The following HPSE2 variants were observed in gnomAD, a reference collection of about 807,000 sequenced individuals.
HPSE2 encodes the protein heparanase 2 (inactive).
HPSE2 carries 38 observed loss-of-function variants against 60.5 expected under a neutral mutation model. The ratio of observed to expected loss-of-function variants is 0.63; its 90% CI spans 0.48 to 0.82. The LOEUF is 0.82. HPSE2 is among the 40% of genes least tolerant of loss of function. The pLI, the probability that HPSE2 is intolerant of heterozygous loss-of-function variation, is 0.00. For synonymous variants in HPSE2, 295 were observed against 293.2 expected (o/e 1.01, Z -0.06); for missense variants, 713 against 740.4 (o/e 0.96, Z 0.43).
At chr10:98,463,782 G>A (rs1179362719) in intron 11 of HPSE2, among the ~76,000 whole-genome samples, 1 of 152,032 alleles carries the variant, frequency 6.6e-6, no homozygotes, top group Non-Finnish European at 1.5e-5. Flanking sequence ...ACCAGTCTGG[G>A]TGACACAGTG....
intron 3 of HPSE2, among the ~76,000 whole-genome samples, chr10:98,955,479 G>C (rs1439752480): frequency 6.6e-6 from 1 of 152,148 alleles, no homozygotes; most frequent in Non-Finnish European, 1.5e-5. Flanking sequence ...TGAGGCTGTG[G>C]AGAAACAGGA....
chr10:98,850,683 G>A (rs371374360), intron 3 of HPSE2, among the ~76,000 whole-genome samples: 3 of 145,318 alleles, frequency 2.1e-5, no homozygotes, highest in African/African-American at 7.7e-5. Flanking sequence ...CTTGCAGTGA[G>A]CGGAGATCGC....
rs150886106 is a variant in HPSE2 at position 98,669,970 on chromosome 10, G to A, written c.1004+23930C>T. Among the ~76,000 whole-genome samples the A allele has an allele frequency of 2.3e-4, 35 of 152,300 alleles. No homozygotes were observed. The East Asian group carries it at 4.4e-3, about 19-fold the overall frequency. On this transcript the variant is annotated intron_variant, in intron 6 of 11. Coordinates refer to ENST00000370552, the MANE Select transcript of HPSE2 (RefSeq NM_021828.5). ...TCTTTTACAAAAGGAGGCCAGGAAAGGCCACTTTGACATTGGGGCAGAGTC... is the reference window on the plus strand; with the variant it reads ...TCTTTTACAAAAGGAGGCCAGGAAAAGCCACTTTGACATTGGGGCAGAGTC...
At chr10:98,742,974 C>CTTTTTTTTTTTTTTTTTTTTTT (rs35772316) in intron 4 of HPSE2, among the ~76,000 whole-genome samples, 1 of 99,782 alleles carries the variant, frequency 1.0e-5, no homozygotes, top group Admixed American at 1.1e-4. Flanking sequence ...CTTTTCTTTT[C>CTTTTTTTTTTTTTTTTTTTTTT]TTTTTTTTTT....
intron 3 of HPSE2, among the ~76,000 whole-genome samples, chr10:99,132,271 G>GAAAGA (rs1306205596): frequency 6.8e-6 from 1 of 147,508 alleles, no homozygotes; most frequent in African/African-American, 2.5e-5. Context: ...AAGAAAGAAA[G>GAAAGA]AAAGAAAAGA....
chr10:98,852,802 T>C (rs1952213884), intron 3 of HPSE2, among the ~76,000 whole-genome samples: 2 of 152,172 alleles, frequency 1.3e-5, no homozygotes, highest in African/African-American at 4.8e-5. Context: ...CTATATTTTT[T>C]CTAAAAACAA....
At chr10:98,872,229 C>T (rs1952753200) in intron 3 of HPSE2, among the ~76,000 whole-genome samples, 1 of 152,006 alleles carries the variant, frequency 6.6e-6, no homozygotes, top group Non-Finnish European at 1.5e-5. Flanking sequence ...TCAAATTCCT[C>T]TAAAAGGAAC....
chr10:99,161,391 T>C (rs1846838538), intron 2 of HPSE2, among the ~76,000 whole-genome samples: 1 of 152,042 alleles, frequency 6.6e-6, no homozygotes, highest in Admixed American at 6.6e-5. Context: ...ACTAATAAAT[T>C]CTAGACCTGG....
intron 2 of HPSE2, among the ~76,000 whole-genome samples, chr10:99,227,758 G>T (rs1236915655): frequency 6.7e-6 from 1 of 150,296 alleles, no homozygotes; most frequent in Non-Finnish European, 1.5e-5. Flanking sequence ...ATTAGATACG[G>T]TGTCTTCCTA....
chr10:99,209,593 C>G (rs1010539295), intron 2 of HPSE2, among the ~76,000 whole-genome samples: 2 of 151,438 alleles, frequency 1.3e-5, no homozygotes, highest in Non-Finnish European at 2.9e-5. Flanking sequence ...CAAACTAGGC[C>G]CAAAGTTAGT....
chr10:98,893,654 A>G (rs78148665), intron 3 of HPSE2, among the ~76,000 whole-genome samples: 6,281 of 152,284 alleles, frequency 0.041, 217 homozygotes, highest in East Asian at 0.12. Context: ...TGTAAAATGC[A>G]TTAGTGAGCT....
intron 3 of HPSE2, among the ~76,000 whole-genome samples, chr10:98,805,514 ACC>A (rs1951021677): frequency 6.6e-6 from 1 of 152,126 alleles, no homozygotes; most frequent in Non-Finnish European, 1.5e-5. Flanking sequence ...TATCTTGTGT[ACC>A]TCATAAATAT....
At chr10:99,037,722 T>C (rs1048182680) in intron 3 of HPSE2, among the ~76,000 whole-genome samples, 2 of 151,956 alleles carry the variant, frequency 1.3e-5, no homozygotes, top group East Asian at 1.9e-4. Context: ...TTCTACGACA[T>C]GAGGGAAATG....
At chr10:98,724,362 G>A (rs557495454) in intron 4 of HPSE2, among the ~76,000 whole-genome samples, 1 of 152,298 alleles carries the variant, frequency 6.6e-6, no homozygotes, top group African/African-American at 2.4e-5. Context: ...TTTGACATTT[G>A]CTGAGGAGTG....
intron 3 of HPSE2, among the ~76,000 whole-genome samples, chr10:98,829,115 A>G (rs1422665527): frequency 6.6e-6 from 1 of 152,246 alleles, no homozygotes; most frequent in Non-Finnish European, 1.5e-5. Flanking sequence ...GATTCCATTC[A>G]TATGAGGTAC....
At chr10:99,210,767 A>G (rs1210120198) in intron 2 of HPSE2, among the ~76,000 whole-genome samples, 1 of 152,212 alleles carries the variant, frequency 6.6e-6, no homozygotes, top group African/African-American at 2.4e-5. Flanking sequence ...GAAGGAATGT[A>G]CCACCACACA....
At chr10:99,139,544 C>T (rs954912092) in intron 3 of HPSE2, among the ~76,000 whole-genome samples, 3 of 151,666 alleles carry the variant, frequency 2.0e-5, no homozygotes, top group Non-Finnish European at 4.4e-5. Flanking sequence ...ACTATAAATC[C>T]CATCAAGTGT....
chr10:99,156,215 AT>A (rs1198672201), intron 2 of HPSE2, among the ~76,000 whole-genome samples: 2 of 116,058 alleles, frequency 1.7e-5, no homozygotes, highest in African/African-American at 5.8e-5. Flanking sequence ...ATTCCAATCA[AT>A]AGAAAAAGAG....
chr10:99,292,967 T>C, the HPSE2 span, among the ~76,000 whole-genome samples: 1 of 152,116 alleles, frequency 6.6e-6, no homozygotes. Context: ...AACCCTTCCT[T>C]GTTCAAGCAG....
Sources: gnomAD v4.1 joint callset for allele counts (sites outside exome capture counted in the v4.1 genomes callset) on GRCh38, gnomAD v4.1.1 for gene constraint, MANE v1.5 for transcripts, NCBI Gene and HGNC (gene_info 2026-07-23, HGNC 2026-07-21) for gene names.